PTPRD: variants seen among roughly 807,000 people sequenced by gnomAD.
PTPRD encodes receptor-type tyrosine-protein phosphatase delta.
A neutral mutation model predicts 214.5 loss-of-function variants in PTPRD; 34 were observed. The observed-to-expected ratio is 0.16, with a 90% CI of 0.12 to 0.21. The LOEUF (loss-of-function observed/expected upper bound fraction) is 0.21. Ranked by LOEUF, PTPRD falls within the 10% of genes least tolerant of loss-of-function variation. The pLI is 1.00. For synonymous variants in PTPRD, 1,128 were observed against 845.7 expected (o/e 1.33, Z -5.79); for missense variants, 2,545 against 2,398.7 (o/e 1.06, Z -1.27).
chr9:8,773,455 A>G (rs1273293906), intron 11 of PTPRD, among the ~76,000 whole-genome samples: 1 of 151,938 alleles, frequency 6.6e-6, no homozygotes, highest in African/African-American at 2.4e-5. Context: ...GTTTCTCATC[A>G]CTCAGAGGGC....
chr9:8,344,727 T>C (rs1855889135), intron 39 of PTPRD, among the ~76,000 whole-genome samples: 1 of 152,016 alleles, frequency 6.6e-6, no homozygotes. Context: ...AGCAAGACCT[T>C]GAGGCTTAAG....
At chr9:10,337,158 T>C (rs1196308505) in intron 3 of PTPRD, among the ~76,000 whole-genome samples, 1 of 151,806 alleles carries the variant, frequency 6.6e-6, no homozygotes, top group East Asian at 1.9e-4. Context: ...CCAATTTTGG[T>C]TTATTAAATG....
Position 9,234,249 on chromosome 9 carries a change from C to T in PTPRD, c.-202-50886G>A, listed in dbSNP as rs912459820. Among the ~76,000 whole-genome samples the T allele has an allele frequency of 3.9e-5, 6 of 152,228 alleles. No individual in the cohort carries two copies. In the South Asian group the frequency reaches 1.0e-3, roughly 26 times the overall value. On this transcript the variant is annotated intron_variant, in intron 9 of 45. Transcript: ENST00000381196. Reference sequence around the variant, plus strand: ...GGCTTGGGACTTGCATCATCTGAAGCCATGTCCCATGCTATACCTTGGCCC... The same window carrying T: ...GGCTTGGGACTTGCATCATCTGAAGTCATGTCCCATGCTATACCTTGGCCC...
At chr9:8,743,354 G>C (rs1367972964) in intron 11 of PTPRD, among the ~76,000 whole-genome samples, 1 of 152,090 alleles carries the variant, frequency 6.6e-6, no homozygotes, top group African/African-American at 2.4e-5. Flanking sequence ...CTGTTAAATG[G>C]AACAGACATT....
At chr9:9,705,331 G>A (rs537306810) in intron 7 of PTPRD, among the ~76,000 whole-genome samples, 1 of 152,294 alleles carries the variant, frequency 6.6e-6, no homozygotes, top group Admixed American at 6.5e-5. Context: ...ATCTTAATTA[G>A]ATGGAGAATT....
chr9:10,155,441 CT>C (rs1325753569), intron 3 of PTPRD, among the ~76,000 whole-genome samples: 1 of 152,050 alleles, frequency 6.6e-6, no homozygotes, highest in African/African-American at 2.4e-5. Flanking sequence ...TGCTTTATTT[CT>C]TTCTCTTGCC....
At chr9:10,173,408 A>G (rs1385084411) in intron 3 of PTPRD, among the ~76,000 whole-genome samples, 1 of 152,126 alleles carries the variant, frequency 6.6e-6, no homozygotes, top group Non-Finnish European at 1.5e-5. Context: ...GCCCGTAGTG[A>G]CTCACAGCTA....
intron 14 of PTPRD, among the ~76,000 whole-genome samples, chr9:8,554,160 C>G (rs1042537424): frequency 6.6e-6 from 1 of 152,094 alleles, no homozygotes; most frequent in African/African-American, 2.4e-5. Flanking sequence ...TGCATTCCAG[C>G]CTAAACGACA....
intron 9 of PTPRD, among the ~76,000 whole-genome samples, chr9:9,382,656 G>T (rs140374178): frequency 2.0e-5 from 3 of 152,010 alleles, no homozygotes; most frequent in African/African-American, 7.3e-5. Flanking sequence ...GAGAGAATAA[G>T]TGTCCATGAG....
chr9:8,698,754 C>G (rs368959113), intron 12 of PTPRD, among the ~76,000 whole-genome samples: 1 of 152,110 alleles, frequency 6.6e-6, no homozygotes. Flanking sequence ...ATCGCCTTTT[C>G]GCAGGAAACT....
intron 44 of PTPRD, among the ~76,000 whole-genome samples, chr9:8,324,717 A>G (rs1436075556): frequency 6.6e-6 from 1 of 152,142 alleles, no homozygotes; most frequent in African/African-American, 2.4e-5. Context: ...ACACCCACCA[A>G]CAGTGTAAAA....
intron 44 of PTPRD, among the ~76,000 whole-genome samples, chr9:8,321,212 T>C (rs1184920172): frequency 1.3e-5 from 2 of 151,882 alleles, no homozygotes; most frequent in South Asian, 2.1e-4. Flanking sequence ...TATTATCTTT[T>C]TGTTGAATGA....
intron 9 of PTPRD, among the ~76,000 whole-genome samples, chr9:9,319,808 G>C (rs1164907003): frequency 6.6e-6 from 1 of 152,102 alleles, no homozygotes; most frequent in African/African-American, 2.4e-5. Context: ...ATAACAAACA[G>C]CTGGTCTGAT....
At chr9:9,044,791 G>C (rs535688765) in intron 10 of PTPRD, among the ~76,000 whole-genome samples, 1 of 151,906 alleles carries the variant, frequency 6.6e-6, no homozygotes, top group South Asian at 2.1e-4. Context: ...TTATTTTTCT[G>C]GAAATTAATT....
intron 31 of PTPRD, among the ~76,000 whole-genome samples, chr9:8,468,085 T>C (rs2096579279): frequency 6.6e-6 from 1 of 151,998 alleles, no homozygotes; most frequent in African/African-American, 2.4e-5. Context: ...CACTTTCTGC[T>C]AGGGTTTCTT....
At chr9:10,520,327 C>T (rs944079752) in intron 2 of PTPRD, among the ~76,000 whole-genome samples, 1 of 152,112 alleles carries the variant, frequency 6.6e-6, no homozygotes, top group Non-Finnish European at 1.5e-5. Context: ...AAGCCCTAAA[C>T]CAGAGCACAA....
At chr9:8,456,803 T>C (rs2096221435) in intron 33 of PTPRD, among the ~76,000 whole-genome samples, 1 of 152,160 alleles carries the variant, frequency 6.6e-6, no homozygotes, top group South Asian at 2.1e-4. Context: ...TCAAGGATGT[T>C]AATTTTGCCT....
intron 9 of PTPRD, among the ~76,000 whole-genome samples, chr9:9,297,630 C>T (rs1056383864): frequency 1.3e-5 from 2 of 151,532 alleles, no homozygotes; most frequent in African/African-American, 4.8e-5. Context: ...AAGAGTTACA[C>T]ATTATTACTA....
intron 2 of PTPRD, among the ~76,000 whole-genome samples, chr9:10,424,141 G>A (rs1356473824): frequency 2.0e-5 from 3 of 151,892 alleles, no homozygotes; most frequent in Non-Finnish European, 2.9e-5. Flanking sequence ...GAACATTATG[G>A]TCATATCCAG....
Sources: allele counts gnomAD v4.1 joint callset (sites outside exome capture counted in the v4.1 genomes callset), GRCh38; gene constraint gnomAD v4.1.1; transcripts MANE v1.5; gene names NCBI Gene and HGNC (gene_info 2026-07-23, HGNC 2026-07-21).